DOCK8: variants seen among roughly 807,000 people sequenced by gnomAD.
DOCK8 encodes the protein dedicator of cytokinesis protein 8.
A neutral mutation model predicts 245.6 loss-of-function variants in DOCK8; 141 were observed. The observed-to-expected ratio is 0.57, with a 90% CI of 0.50 to 0.66. The LOEUF (loss-of-function observed/expected upper bound fraction) is 0.66, where lower values mean the gene tolerates loss of function less well. Ranked by LOEUF, DOCK8 falls within the 30% of genes least tolerant of loss-of-function variation. DOCK8 has a pLI of 0.00. For synonymous variants in DOCK8, 1,168 were observed against 970.2 expected (o/e 1.20, Z -3.79); for missense variants, 2,965 against 2,603.4 (o/e 1.14, Z -3.02).
chr9:307,691 T>A (rs1395387417), intron 5 of DOCK8, among the ~76,000 whole-genome samples: 3 of 152,082 alleles, frequency 2.0e-5, no homozygotes, highest in Non-Finnish European at 4.4e-5. Flanking sequence ...CTTGATCATA[T>A]GATCCAGCAG....
intron 1 of DOCK8, among the ~76,000 whole-genome samples, chr9:247,623 T>C (rs556353498): frequency 6.6e-6 from 1 of 152,232 alleles, no homozygotes; most frequent in East Asian, 1.9e-4. Context: ...AAGCTCCGCC[T>C]CCCGGGTTCA....
chr9:365,521 T>C, intron 14 of DOCK8: 1 of 438,188 alleles, frequency 2.3e-6, no homozygotes, highest in Non-Finnish European at 4.5e-6. Flanking sequence ...ATTATAGTAA[T>C]GATAATAATA....
At chr9:244,242 T>C (rs1371585577) in intron 1 of DOCK8, among the ~76,000 whole-genome samples, 2 of 150,064 alleles carry the variant, frequency 1.3e-5, no homozygotes, top group African/African-American at 4.9e-5. Context: ...CCATGTTCCA[T>C]GAAAATACAC....
At chr9:429,444 A>G (rs931453270) in intron 35 of DOCK8, among the ~76,000 whole-genome samples, 1 of 152,248 alleles carries the variant, frequency 6.6e-6, no homozygotes, top group Non-Finnish European at 1.5e-5. Flanking sequence ...TGATTTCACC[A>G]GTGAATGCGA....
chr9:284,047 G>T lies in DOCK8; in HGVS notation c.157-2414G>T, dbSNP rs148331701. ...TGCTCAATAATTATTACTTAAATGG[G>T]TATAAACTTTATAGTAATGAGGTTG... On this transcript the variant is annotated intron_variant, in intron 2 of 47. Transcript: ENST00000432829. Among the ~76,000 whole-genome samples, 336 of 152,242 alleles carry T rather than the reference G, an allele frequency of 2.2e-3. 3 individuals carry two copies. Among genetic ancestry groups the T allele is most frequent in the East Asian group, 0.015 (76 of 5,184 alleles).
In DOCK8 at chr9:371,442, A is replaced by G. The variant is rs757132791; in HGVS notation, c.1883A>G (p.Tyr628Cys). ...TTTTGAAACAGGTCTCCTGACTTTT[A>G]TGAAGAAGTGAAAATTAAGCTCCCC... The part of the protein sequence containing the change: ...VTYHNKSPDF[Y>C]EEVKIKLPAK... Residue 628 changes from tyrosine (Y) to cysteine (C), a missense_variant, in exon 17 of 48, where the codon TAT becomes TGT. Coordinates refer to ENST00000432829, the MANE Select transcript of DOCK8 (RefSeq NM_203447.4). The G allele has an allele frequency of 6.2e-7, 1 of 1,614,118 alleles. No homozygotes were observed.
chr9:430,036 A>G (rs1249149265), intron 36 of DOCK8, among the ~76,000 whole-genome samples, 182 bp downstream of exon 36: 1 of 152,250 alleles, frequency 6.6e-6, no homozygotes, highest in Admixed American at 6.5e-5. Context: ...CTAAAAGTGA[A>G]TTCATCAGAT....
intron 3 of DOCK8, among the ~76,000 whole-genome samples, chr9:288,228 G>A (rs987591011): frequency 6.6e-6 from 1 of 152,014 alleles, no homozygotes; most frequent in African/African-American, 2.4e-5. Flanking sequence ...TATAATTAAG[G>A]CAGGGGAAGG....
chr9:354,225 G>A lies in DOCK8; in HGVS notation c.1680-13793G>A, dbSNP rs138676026. On this transcript the variant is annotated intron_variant, in intron 14 of 47. Transcript: ENST00000432829. Reference sequence around the variant, plus strand: ...CGGGCGCCTGTAGTCCCAGCTACTCGGGAGGCTGAGGCAGGAGAATCACTT... The same window carrying A: ...CGGGCGCCTGTAGTCCCAGCTACTCAGGAGGCTGAGGCAGGAGAATCACTT... Among the ~76,000 whole-genome samples, 209 of 152,122 alleles carry A rather than the reference G, an allele frequency of 1.4e-3. 2 individuals are homozygous for A. Among genetic ancestry groups the A allele is most frequent in the African/African-American group, 4.5e-3 (188 of 41,528 alleles).
intron 36 of DOCK8, among the ~76,000 whole-genome samples, chr9:431,203 G>A (rs1405314051): frequency 6.6e-6 from 1 of 152,106 alleles, no homozygotes; most frequent in Non-Finnish European, 1.5e-5. Flanking sequence ...AAGCTACGAA[G>A]ACTTTGGAGT....
At chr9:438,369 C>T (rs78480666) in intron 39 of DOCK8, among the ~76,000 whole-genome samples, 7,017 of 152,272 alleles carry the variant, frequency 0.046, 225 homozygotes, top group Middle Eastern at 0.092. Context: ...GAAGGAGTGG[C>T]ATGTGTGCCA....
chr9:396,920 G>A lies in DOCK8; in HGVS notation c.3106G>A (p.Val1036Ile), dbSNP rs767203261. ...VVTSEIAALL[V>I]KPQKENEQAE... ...CACCTCGGAAATTGCAGCCCTTTTA[G>A]TAAAACCACAGAAGGTAACTGTATT... Residue 1036 changes from valine (V) to isoleucine (I), a missense_variant, in exon 25 of 48, where the codon GTA (valine) becomes ATA (isoleucine). Val to Ile is a conservative substitution (Grantham distance 29, BLOSUM62 3). This residue lies in a region of DOCK8 where 2,825 missense variants were observed against 2,453.5 expected (regional missense o/e 1.15). Coordinates refer to ENST00000432829, the MANE Select transcript of DOCK8 (RefSeq NM_203447.4). The A allele has an allele frequency of 2.5e-6, 4 of 1,613,926 alleles. No individual in the cohort carries two copies. In the South Asian group the frequency reaches 3.3e-5, roughly 13 times the overall value.
Position 404,898 on chromosome 9 carries a change from C to T in DOCK8, c.3235-20C>T. On this transcript the variant is annotated intron_variant, in intron 26 of 47. Coordinates refer to ENST00000432829, the MANE Select transcript of DOCK8 (RefSeq NM_203447.4). ...ACCTTGTAATAAATGTTTCATTCCTCTTTTCATTTTTCTTCCCAGCTGTCA... is the reference window on the plus strand; with the variant it reads ...ACCTTGTAATAAATGTTTCATTCCTTTTTTCATTTTTCTTCCCAGCTGTCA... 5.0e-6 allele frequency: 8 copies of T among 1,613,678 alleles called. No homozygotes were observed. The highest frequency in any genetic ancestry group is 6.8e-6 in the Non-Finnish European group (8 of 1,179,910).
chr9:289,408 G>A, intron 3 of DOCK8, 102 bp from the exon 4 acceptor site: 16 of 914,862 alleles, frequency 1.7e-5, no homozygotes, highest in Middle Eastern at 4.4e-4. Flanking sequence ...CATTCTCACT[G>A]ATAAGGATTT....
At chr9:411,054 A>C (rs567734726) in intron 28 of DOCK8, among the ~76,000 whole-genome samples, 1 of 152,360 alleles carries the variant, frequency 6.6e-6, no homozygotes, top group African/African-American at 2.4e-5. Flanking sequence ...AAATAGACCT[A>C]CAGAAGTAAA....
At chr9:439,425 C>A in intron 40 of DOCK8, 37 bp downstream of exon 40, 1 of 1,608,378 alleles carries the variant, frequency 6.2e-7, no homozygotes, top group South Asian at 1.1e-5. Context: ...CCTGGCCTCC[C>A]ATACTCCAGC....
intron 23 of DOCK8, among the ~76,000 whole-genome samples, chr9:387,781 G>T (rs1274152152): frequency 6.6e-6 from 1 of 152,242 alleles, no homozygotes; most frequent in East Asian, 1.9e-4. Flanking sequence ...CAGGCCCTAT[G>T]CAGTGACTGG....
In DOCK8 at chr9:465,006, CTATT is replaced by C. The variant is rs2131992727; in HGVS notation, c.*789_*792del. ...TTCTTATGTCACTCTTGTGTACTAT[CTATT>C]TTTCTCCTCTCTGGGACCAAGTTTC... On this transcript the variant is annotated 3_prime_UTR_variant, in exon 48 of 48. Transcript: ENST00000432829. 6.6e-6 allele frequency: 1 copy of C among 152,642 alleles called. No homozygotes were observed. Among genetic ancestry groups the C allele is most frequent in the Non-Finnish European group, 1.5e-5 (1 of 68,086 alleles). The allele number at this position is 152,642 out of a possible 1,614,324, so 9.5% of individuals were successfully genotyped here. A position where few individuals can be genotyped will look rare whatever the true frequency, so the allele number is the denominator to read the frequency against.
intron 2 of DOCK8, among the ~76,000 whole-genome samples, chr9:278,368 A>G (rs1048745014): frequency 6.6e-6 from 1 of 152,266 alleles, no homozygotes; most frequent in African/African-American, 2.4e-5. Flanking sequence ...GTTTAAAGAT[A>G]GTAGAGAGCT....
Sources: allele counts gnomAD v4.1 joint callset (sites outside exome capture counted in the v4.1 genomes callset), GRCh38; gene constraint gnomAD v4.1.1; regional missense constraint gnomAD v4.1.1; transcripts MANE v1.5; gene names NCBI Gene and HGNC (gene_info 2026-07-23, HGNC 2026-07-21).